Variants in DENND2D observed in about 807,000 individuals in gnomAD.
DENND2D encodes the protein DENN domain-containing protein 2D.
In DENND2D, 37 loss-of-function variants were observed where a neutral mutation model predicts 59.8. The ratio of observed to expected loss-of-function variants is 0.62; its 90% CI spans 0.48 to 0.81. The LOEUF (loss-of-function observed/expected upper bound fraction) is 0.81. Ranked by LOEUF, DENND2D falls within the 40% of genes least tolerant of loss-of-function variation. The probability of loss-of-function intolerance (pLI) is 0.00; values close to 1 mark genes in which losing one functional copy is unlikely to be tolerated. For synonymous variants in DENND2D, 219 were observed against 211.3 expected, an observed-to-expected ratio of 1.04 and a Z score of -0.31; for missense variants, 525 against 579.7, an observed-to-expected ratio of 0.91 and a Z score of 0.97.
At position 111,200,293 on chromosome 1, in the gene DENND2D, G is replaced by A. The variant is rs1370039066; in HGVS notation, c.67+100C>T. On this transcript the variant is annotated intron_variant, in intron 1 of 11. Transcript: ENST00000357640. ...TCACATGGGGAACCATGTGGAGGCC[G>A]AGATATAAAGGAAGAGGAGGAAGGA... The A allele has an allele frequency of 6.0e-6, 9 of 1,488,610 alleles. No homozygotes were observed. The African/African-American group carries it at 8.4e-5, about 14-fold the overall frequency. 92.2% of individuals were successfully genotyped at this position (1,488,610 alleles called of 1,614,324 possible). A position where few individuals can be genotyped will look rare whatever the true frequency, so the allele number is the denominator to read the frequency against.
chr1:111,189,290 T>A (rs781590620), intron 8 of DENND2D, 37 bp from the exon 9 acceptor site: 1 of 1,612,144 alleles, frequency 6.2e-7, no homozygotes, highest in South Asian at 1.1e-5. Flanking sequence ...CTGGTCCTCT[T>A]TCTTCATAGA....
chr1:111,199,877 C>T (rs1658629917), intron 1 of DENND2D, 79 bp from the exon 2 acceptor site: 2 of 1,530,378 alleles, frequency 1.3e-6, no homozygotes, highest in Non-Finnish European at 1.8e-6. Flanking sequence ...TCCGGGTGAC[C>T]TCCACACCTC....
upstream of DENND2D, chr1:111,204,247 TC>T (rs1364707946): frequency 5.5e-6 from 8 of 1,443,442 alleles, no homozygotes; most frequent in South Asian, 8.3e-5. Flanking sequence ...TAGCCCCGGC[TC>T]CCCGGTGCCC....
chr1:111,198,045 A>C (rs1658417214), intron 3 of DENND2D, 56 bp from the exon 4 acceptor site: 1 of 1,576,358 alleles, frequency 6.3e-7, no homozygotes, highest in Admixed American at 1.8e-5. Context: ...CTAAAACAGG[A>C]AAGTGGTCAG....
At chr1:111,202,696 TACACAC>T (rs5741908), upstream of DENND2D, among the ~76,000 whole-genome samples, 7 of 142,956 alleles carry the variant, frequency 4.9e-5, no homozygotes, top group African/African-American at 1.1e-4. Flanking sequence ...GTCACCAGGA[TACACAC>T]ACACACACAC....
At position 111,199,729 on chromosome 1, in the gene DENND2D, T is replaced by C. The variant is rs1658611733; in HGVS notation, c.137A>G (p.Asn46Ser). ...AAAGAAGTGCTGCCCCCCAGCAAAG[T>C]TGGGCAAAGAGTGCTCCTGGGCCCT... ...PERAQEHSLPNFAGGQHFFEY... is the reference protein window; with the variant it reads ...PERAQEHSLPSFAGGQHFFEY... Residue 46 changes from asparagine (N) to serine (S), a missense_variant, in exon 2 of 12, where the codon AAC becomes AGC. Around this residue, in one of 3 missense-constraint regions of DENND2D, gnomAD observed 253 missense variants for 246.4 expected, o/e 1.03. Transcript: ENST00000357640. 3.1e-6 allele frequency: 5 copies of C among 1,614,010 alleles called. No homozygotes were observed. The highest frequency in any genetic ancestry group is 4.2e-6 in the Non-Finnish European group (5 of 1,180,020).
At chr1:111,192,842 A>C (rs1391584561) in intron 7 of DENND2D, among the ~76,000 whole-genome samples, 1 of 152,100 alleles carries the variant, frequency 6.6e-6, no homozygotes, top group Non-Finnish European at 1.5e-5. Flanking sequence ...CCTCATCCCC[A>C]GCCTTTGCCC....
Position 111,200,622 on chromosome 1 carries a change from C to A in DENND2D, c.-163G>T. 3 of 1,426,240 alleles carry A rather than the reference C, an allele frequency of 2.1e-6. No homozygotes were observed. The highest frequency in any genetic ancestry group is 1.9e-6 in the Non-Finnish European group (2 of 1,079,086). 88.3% of individuals were successfully genotyped at this position (1,426,240 alleles called of 1,614,324 possible). ...GGAATAGAAGTTTCCATCCTGTGCA[C>A]CCAGTGGTTGAGCAAGAAGGATGTG... On this transcript the variant is annotated 5_prime_UTR_variant, in exon 1 of 12. Coordinates refer to ENST00000357640, the MANE Select transcript of DENND2D (RefSeq NM_024901.5).
intron 4 of DENND2D, chr1:111,197,684 G>A: frequency 7.2e-7 from 1 of 1,394,646 alleles, no homozygotes; most frequent in Non-Finnish European, 9.3e-7. Context: ...TAGTTGTATT[G>A]AAAGCCAGAG....
intron 5 of DENND2D, 151 bp from the exon 6 acceptor site, chr1:111,196,207 C>T: frequency 1.1e-6 from 1 of 916,292 alleles, no homozygotes; most frequent in Non-Finnish European, 1.6e-6. Flanking sequence ...AACTGGTCCT[C>T]TCCCTCCCTG....
At chr1:111,203,385 G>C (rs1658995761), upstream of DENND2D, among the ~76,000 whole-genome samples, 1 of 152,222 alleles carries the variant, frequency 6.6e-6, no homozygotes, top group African/African-American at 2.4e-5. Context: ...CAGGTTGTCT[G>C]GGAATGGCCC....
intron 9 of DENND2D, 50 bp downstream of exon 9, chr1:111,189,162 G>A (rs1657497265): frequency 6.3e-7 from 1 of 1,588,666 alleles, no homozygotes; most frequent in Non-Finnish European, 8.6e-7. Flanking sequence ...TGAAACTAGA[G>A]TGGTAGAGTT....
Position 111,199,625 on chromosome 1 carries a change from TG to T in DENND2D, c.240del (p.Lys81SerfsTer46). The T allele has an allele frequency of 6.2e-7, 1 of 1,612,848 alleles. No homozygotes were observed. On this transcript the variant is annotated frameshift_variant, in exon 2 of 12. Transcript: ENST00000357640. LOFTEE classifies it high-confidence loss of function. ...CCTGCCCCTCCTTCAGTCCTTACCT[TG>T]GGAAATTGGTAGGTGATTATAGGCT... ...DYEPIITYQF[P>X]KRENLLRGQQ...
At chr1:111,197,378 AG>A in intron 4 of DENND2D, 125 bp from the exon 5 acceptor site, 1 of 1,490,388 alleles carries the variant, frequency 6.7e-7, no homozygotes, top group Non-Finnish European at 8.9e-7. Flanking sequence ...TGGGTGCAGC[AG>A]GGAGGTCAGA....
chr1:111,188,507 G>C, intron 10 of DENND2D, 137 bp from the exon 11 acceptor site: 1 of 1,341,266 alleles, frequency 7.5e-7, no homozygotes, highest in Non-Finnish European at 1.0e-6. Context: ...TACTGACTGA[G>C]ATGGGAATCT....
At chr1:111,198,499 A>T in intron 3 of DENND2D, 131 bp downstream of exon 3, 1 of 871,052 alleles carries the variant, frequency 1.1e-6, no homozygotes, top group Non-Finnish European at 1.8e-6. Context: ...AGATGTTTTC[A>T]AACAAATCAA....
At chr1:111,191,620 T>C (rs1448015030) in intron 8 of DENND2D, among the ~76,000 whole-genome samples, 1 of 152,216 alleles carries the variant, frequency 6.6e-6, no homozygotes, top group Non-Finnish European at 1.5e-5. Flanking sequence ...ATATCCTCAT[T>C]AGCCACCTTA....
At chr1:111,198,807 C>T in intron 2 of DENND2D, 65 bp from the exon 3 acceptor site, 1 of 1,558,604 alleles carries the variant, frequency 6.4e-7, no homozygotes, top group South Asian at 1.1e-5. Flanking sequence ...GAGACAGCTT[C>T]AGAGCTGGTG....
In DENND2D at chr1:111,195,830, T is replaced by C. The variant is rs1658175246; in HGVS notation, c.645+86A>G. 2.9e-5 allele frequency: 46 copies of C among 1,587,444 alleles called. 1 individual carries two copies. The South Asian group carries it at 3.6e-4, about 12-fold the overall frequency. On this transcript the variant is annotated intron_variant, in intron 6 of 11. Coordinates refer to ENST00000357640, the MANE Select transcript of DENND2D (RefSeq NM_024901.5). Reference sequence around the variant, plus strand: ...GGCTCAGTTTCTCTGTACTTTAACCTGGTTAATGGAAGAACAGTGGTGAGA... The same window carrying C: ...GGCTCAGTTTCTCTGTACTTTAACCCGGTTAATGGAAGAACAGTGGTGAGA...
Sources: allele counts gnomAD v4.1 joint callset (sites outside exome capture counted in the v4.1 genomes callset), GRCh38; gene constraint gnomAD v4.1.1; regional missense constraint gnomAD v4.1.1; transcripts MANE v1.5; gene names NCBI Gene and HGNC (gene_info 2026-07-23, HGNC 2026-07-21).